The following PPFIA1 variants were observed in gnomAD, a reference collection of about 807,000 sequenced individuals.
PPFIA1 encodes liprin-alpha-1.
A neutral mutation model predicts 149.9 loss-of-function variants in PPFIA1; 25 were observed. That is an observed-to-expected ratio of 0.17 (90% CI 0.12 to 0.23). The LOEUF is 0.23. Among genes scored for constraint, PPFIA1 ranks in the 10% least tolerant of loss-of-function variants. PPFIA1 has a pLI of 1.00. For missense variants in PPFIA1, 1,362 were observed against 1,506.5 expected, an observed-to-expected ratio of 0.90 and a Z score of 1.59; for synonymous variants, 549 against 552.8, an observed-to-expected ratio of 0.99 and a Z score of 0.10.
At chr11:70,295,390 C>G (rs2051866345) in intron 2 of PPFIA1, among the ~76,000 whole-genome samples, 1 of 138,936 alleles carries the variant, frequency 7.2e-6, no homozygotes, top group Non-Finnish European at 1.6e-5. Context: ...GCTGACCCCC[C>G]CATCTCCCTC....
intron 2 of PPFIA1, among the ~76,000 whole-genome samples, chr11:70,306,347 G>A (rs533837046): frequency 1.3e-5 from 2 of 152,158 alleles, no homozygotes; most frequent in African/African-American, 4.8e-5. Flanking sequence ...GATAGTTAAA[G>A]TACGTAACCC....
At chr11:70,314,416 G>T (rs2053471675) in intron 2 of PPFIA1, among the ~76,000 whole-genome samples, 1 of 152,108 alleles carries the variant, frequency 6.6e-6, no homozygotes. Context: ...GTGTATTCTG[G>T]TCATGTCCTT....
intron 7 of PPFIA1, among the ~76,000 whole-genome samples, chr11:70,328,675 A>T (rs1299738169): frequency 2.6e-5 from 4 of 151,938 alleles, no homozygotes; most frequent in African/African-American, 9.7e-5. Context: ...TGGTTGAACT[A>T]ATTTACCCTC....
intron 2 of PPFIA1, among the ~76,000 whole-genome samples, chr11:70,316,741 C>G (rs1316803860): frequency 2.0e-5 from 3 of 152,214 alleles, no homozygotes; most frequent in African/African-American, 7.2e-5. Flanking sequence ...AGGGCTACTT[C>G]AAGCCATCGG....
At chr11:70,328,647 CCA>C (rs2054466595) in intron 7 of PPFIA1, among the ~76,000 whole-genome samples, 1 of 152,038 alleles carries the variant, frequency 6.6e-6, no homozygotes, top group Non-Finnish European at 1.5e-5. Flanking sequence ...TGAGGAATCT[CCA>C]CACTGTCTTC....
At chr11:70,286,443 G>A (rs1206037001) in intron 2 of PPFIA1, among the ~76,000 whole-genome samples, 1 of 152,154 alleles carries the variant, frequency 6.6e-6, no homozygotes, top group Non-Finnish European at 1.5e-5. Flanking sequence ...TAGAGACGGG[G>A]TTTCACCATG....
At chr11:70,275,847 ACT>A (rs765609359) in intron 2 of PPFIA1, among the ~76,000 whole-genome samples, 9 of 151,990 alleles carry the variant, frequency 5.9e-5, no homozygotes, top group African/African-American at 9.7e-5. Context: ...AAGGGTACTC[ACT>A]CGGTTGCCCA....
chr11:70,355,327 A>G (rs2056300917), intron 17 of PPFIA1, among the ~76,000 whole-genome samples: 1 of 152,126 alleles, frequency 6.6e-6, no homozygotes, highest in Non-Finnish European at 1.5e-5. Flanking sequence ...AGCTGAGTAG[A>G]GTAATGCTCA....
In PPFIA1 at chr11:70,272,411, G is replaced by A; in HGVS notation, c.239G>A (p.Arg80Lys). 1 of 1,613,986 alleles carries A rather than the reference G, an allele frequency of 6.2e-7. No homozygotes were observed. The highest frequency in any genetic ancestry group is 8.5e-7 in the Non-Finnish European group (1 of 1,179,890). The change falls in exon 2 of 28, where the codon AGA becomes AAA. Residue 80 changes from arginine (R) to lysine (K), a missense_variant. Arg to Lys is a conservative substitution (Grantham distance 26). This residue lies in a region of PPFIA1 where 100 missense variants were observed against 106.2 expected (regional missense o/e 0.94). Coordinates refer to ENST00000253925, the MANE Select transcript of PPFIA1 (RefSeq NM_003626.5). ...EVGHERDSLQ[R>K]QLNTALPQEF... ...GGTCATGAAAGAGATTCCTTGCAGA[G>A]ACAGCTCAACACGGCACTTCCACAG...
At chr11:70,326,203 C>A in intron 5 of PPFIA1, 59 bp from the exon 6 acceptor site, 1 of 1,004,794 alleles carries the variant, frequency 1.0e-6, no homozygotes, top group Admixed American at 2.6e-5. Flanking sequence ...GTTTTGCTAT[C>A]TTTACTTATT....
At chr11:70,326,226 G>T in intron 5 of PPFIA1, 36 bp from the exon 6 acceptor site, 1 of 1,188,282 alleles carries the variant, frequency 8.4e-7, no homozygotes, top group East Asian at 2.5e-5. Flanking sequence ...TCTTATGTAA[G>T]GTATTTTACA....
intron 13 of PPFIA1, 28 bp downstream of exon 13, chr11:70,338,481 A>G (rs756902198): frequency 3.2e-6 from 5 of 1,568,836 alleles, no homozygotes; most frequent in Admixed American, 3.3e-5. Flanking sequence ...GAGCAGCCAT[A>G]TTGTCAGCAC....
Position 70,315,859 on chromosome 11 carries a change from ACAC to A in PPFIA1, c.265-8540_265-8538del, listed in dbSNP as rs371736733. ...CAAACCGAAACTCCATCCCCATTAAACACCAACTCCCTATCTCACCCTCCCCAC... is the reference window on the plus strand; with the variant it reads ...CAAACCGAAACTCCATCCCCATTAAACAACTCCCTATCTCACCCTCCCCAC... On this transcript the variant is annotated intron_variant, in intron 2 of 27. Coordinates refer to ENST00000253925, the MANE Select transcript of PPFIA1 (RefSeq NM_003626.5). Among the ~76,000 whole-genome samples the A allele has an allele frequency of 7.0e-3, 1,055 of 151,180 alleles. 9 individuals are homozygous for A. The highest frequency in any genetic ancestry group is 0.028 in the Middle Eastern group (8 of 290).
intron 2 of PPFIA1, among the ~76,000 whole-genome samples, chr11:70,322,486 C>T (rs980073007): frequency 6.6e-6 from 1 of 152,124 alleles, no homozygotes; most frequent in African/African-American, 2.4e-5. Context: ...GCTGCCCAGC[C>T]CAGGAGCCCG....
intron 26 of PPFIA1, among the ~76,000 whole-genome samples, chr11:70,379,523 T>A (rs1308757286): frequency 6.6e-6 from 1 of 151,640 alleles, no homozygotes; most frequent in South Asian, 2.1e-4. Flanking sequence ...ATACCAGTAA[T>A]CCTAGCACTT....
intron 2 of PPFIA1, among the ~76,000 whole-genome samples, chr11:70,313,622 C>T (rs544594707): frequency 1.3e-5 from 2 of 151,856 alleles, no homozygotes; most frequent in Non-Finnish European, 2.9e-5. Context: ...GAGGAGGAGG[C>T]GATGTGATGT....
At chr11:70,361,093 A>C (rs1183980366) in intron 19 of PPFIA1, among the ~76,000 whole-genome samples, 1 of 152,212 alleles carries the variant, frequency 6.6e-6, no homozygotes, top group East Asian at 1.9e-4. Flanking sequence ...GATTCTGTAG[A>C]GAGTCAGAGG....
chr11:70,359,009 C>T (rs576321534), intron 19 of PPFIA1, among the ~76,000 whole-genome samples: 2 of 152,324 alleles, frequency 1.3e-5, no homozygotes, highest in South Asian at 2.1e-4. Context: ...TAAGCAGACT[C>T]GGGAGATTTG....
At chr11:70,363,449 T>C (rs2056764399) in intron 21 of PPFIA1, 1 of 152,268 alleles carries the variant, frequency 6.6e-6, no homozygotes, top group African/African-American at 2.4e-5. Context: ...GAGTAAAATT[T>C]TTCTGTCTAG....
Sources: gnomAD v4.1 joint callset for allele counts (sites outside exome capture counted in the v4.1 genomes callset) on GRCh38, gnomAD v4.1.1 for gene constraint, gnomAD v4.1.1 regional missense constraint, MANE v1.5 for transcripts, NCBI Gene and HGNC (gene_info 2026-07-23, HGNC 2026-07-21) for gene names.